Variants in MUSK observed in about 807,000 individuals in gnomAD.
MUSK encodes muscle, skeletal receptor tyrosine-protein kinase.
MUSK carries 55 observed loss-of-function variants against 88.7 expected under a neutral mutation model. That is an observed-to-expected ratio of 0.62 (90% CI 0.50 to 0.78). The LOEUF (loss-of-function observed/expected upper bound fraction) is 0.78, where lower values mean the gene tolerates loss of function less well. Ranked by LOEUF, MUSK falls within the 30% of genes least tolerant of loss-of-function variation. The probability of loss-of-function intolerance (pLI) is 0.00; values close to 1 mark genes in which losing one functional copy is unlikely to be tolerated. For synonymous variants in MUSK, 387 were observed against 391.9 expected (o/e 0.99, Z 0.15); for missense variants, 1,015 against 1,074.3 (o/e 0.94, Z 0.77).
At chr9:110,770,809 G>A (rs1034359768) in intron 9 of MUSK, among the ~76,000 whole-genome samples, 4 of 151,496 alleles carry the variant, frequency 2.6e-5, no homozygotes, top group Non-Finnish European at 5.9e-5. Flanking sequence ...TGTTGCAAGA[G>A]TATTAATTAT....
At chr9:110,716,169 G>T (rs1304161645) in intron 5 of MUSK, among the ~76,000 whole-genome samples, 2 of 149,854 alleles carry the variant, frequency 1.3e-5, no homozygotes, top group African/African-American at 5.1e-5. Context: ...GAAAATATTA[G>T]CTTGGTGCAA....
intron 1 of MUSK, among the ~76,000 whole-genome samples, chr9:110,676,492 A>G (rs1332735387): frequency 1.3e-5 from 2 of 151,954 alleles, no homozygotes; most frequent in Non-Finnish European, 2.9e-5. Context: ...CCTGTCACCC[A>G]TCACCTAAAT....
chr9:110,674,874 G>T (rs1297102280), intron 1 of MUSK, among the ~76,000 whole-genome samples: 1 of 151,988 alleles, frequency 6.6e-6, no homozygotes, highest in African/African-American at 2.4e-5. Flanking sequence ...GGCCTCAAAA[G>T]TGCTGGGATT....
chr9:110,743,244 G>T (rs1015435231), intron 6 of MUSK, among the ~76,000 whole-genome samples: 3 of 152,174 alleles, frequency 2.0e-5, no homozygotes, highest in African/African-American at 7.2e-5. Flanking sequence ...CAAAGAGCAG[G>T]AGAAAGTCCA....
intron 14 of MUSK, among the ~76,000 whole-genome samples, chr9:110,789,062 A>T (rs956160801): frequency 2.0e-5 from 3 of 152,244 alleles, no homozygotes; most frequent in African/African-American, 4.8e-5. Context: ...CTTATTAAAA[A>T]CATTGGCTTT....
At chr9:110,765,321 A>G (rs1354762216) in intron 8 of MUSK, among the ~76,000 whole-genome samples, 1 of 152,134 alleles carries the variant, frequency 6.6e-6, no homozygotes, top group Non-Finnish European at 1.5e-5. Flanking sequence ...CTTTATGCCG[A>G]GATATTACGT....
At chr9:110,690,018 ATATATAT>A (rs1196889816) in intron 3 of MUSK, among the ~76,000 whole-genome samples, 1 of 91,170 alleles carries the variant, frequency 1.1e-5, no homozygotes, top group Non-Finnish European at 1.8e-5. Flanking sequence ...TAAATATATA[ATATATAT>A]TATATATTAA....
At chr9:110,688,955 T>C (rs4326443) in intron 3 of MUSK, among the ~76,000 whole-genome samples, 37,148 of 144,734 alleles carry the variant, frequency 0.26, 6,482 homozygotes, top group African/African-American at 0.48. Flanking sequence ...TATATTTAAA[T>C]ATAAATACAT....
intron 5 of MUSK, 71 bp downstream of exon 5, chr9:110,697,537 G>T: frequency 6.7e-7 from 1 of 1,495,454 alleles, no homozygotes; most frequent in South Asian, 1.4e-5. Context: ...GGCTGCACCT[G>T]GGCTTGGGAG....
chr9:110,681,140 GATCGTTATAATATATATT>G (rs2076129340), intron 1 of MUSK, among the ~76,000 whole-genome samples: 1 of 34,138 alleles, frequency 2.9e-5, no homozygotes, highest in Admixed American at 4.0e-4. Context: ...ATATTATAAG[GATCGTTATAATATATATT>G]ATAAAAATTA....
At chr9:110,775,110 T>C (rs2077646600) in intron 9 of MUSK, among the ~76,000 whole-genome samples, 1 of 152,208 alleles carries the variant, frequency 6.6e-6, no homozygotes, top group African/African-American at 2.4e-5. Flanking sequence ...CCAATTAGTG[T>C]TTCTTCAGCC....
intron 7 of MUSK, 72 bp from the exon 8 acceptor site, chr9:110,762,130 G>T: frequency 1.6e-6 from 2 of 1,242,228 alleles, no homozygotes; most frequent in South Asian, 5.0e-5. Flanking sequence ...AGCATAAGAT[G>T]AAAATGTACT....
At chr9:110,797,783 A>G (rs1245065900) in intron 14 of MUSK, among the ~76,000 whole-genome samples, 1 of 152,200 alleles carries the variant, frequency 6.6e-6, no homozygotes, top group Non-Finnish European at 1.5e-5. Context: ...CTCAAATAGT[A>G]TACATTTAGT....
intron 1 of MUSK, among the ~76,000 whole-genome samples, chr9:110,676,381 GTGTA>G (rs1470112945): frequency 1.7e-5 from 1 of 57,314 alleles, no homozygotes; most frequent in Non-Finnish European, 3.9e-5. Flanking sequence ...GTGTGTGTAT[GTGTA>G]TGTAATTTTA....
chr9:110,783,718 T>C (rs1283388693), intron 11 of MUSK, among the ~76,000 whole-genome samples: 4 of 151,964 alleles, frequency 2.6e-5, no homozygotes, highest in African/African-American at 4.8e-5. Context: ...TTACCTATTA[T>C]CTTTTGTTTT....
Position 110,767,912 on chromosome 9 carries a change from A to G in MUSK, c.1013A>G (p.Asn338Ser), listed in dbSNP as rs769749384. ...GCAAAAGATGCTCTTGTTTTTCTCAACACCTCCTATGCGGACCCTGAGGAG... is the reference window on the plus strand; with the variant it reads ...GCAAAAGATGCTCTTGTTTTTCTCAGCACCTCCTATGCGGACCCTGAGGAG... ...VLAKDALVFLNTSYADPEEAQ... is the reference protein window; with the variant it reads ...VLAKDALVFLSTSYADPEEAQ... Residue 338 changes from asparagine (N) to serine (S), a missense_variant, in exon 9 of 15, where the codon AAC becomes AGC. By Grantham distance (46) the Asn-to-Ser change is conservative. Transcript: ENST00000374448. The G allele has an allele frequency of 1.9e-6, 3 of 1,613,822 alleles. No homozygotes were observed. Among genetic ancestry groups the G allele is most frequent in the African/African-American group, 2.7e-5 (2 of 74,906 alleles).
At position 110,756,910 on chromosome 9, in the gene MUSK, A is replaced by C. The variant is rs542193449; in HGVS notation, c.914-5292A>C. Among the ~76,000 whole-genome samples the C allele has an allele frequency of 2.6e-5, 4 of 152,142 alleles. No homozygotes were observed. The East Asian group carries it at 7.7e-4, about 29-fold the overall frequency. ...TGTGTGTCTGTGTGTGTGTGTTTAC[A>C]TGTTTCCTATAATCATTTGTCTTGC... is the stretch of plus-strand genomic sequence containing the variant. On this transcript the variant is annotated intron_variant, in intron 7 of 14. Coordinates refer to ENST00000374448, the MANE Select transcript of MUSK (RefSeq NM_005592.4).
chr9:110,783,731 G>A (rs928500113), intron 11 of MUSK, among the ~76,000 whole-genome samples: 1 of 151,668 alleles, frequency 6.6e-6, no homozygotes, highest in Non-Finnish European at 1.5e-5. Flanking sequence ...TTTGTTTTCT[G>A]TAGTTATTGT....
chr9:110,738,962 A>T (rs563878236), intron 6 of MUSK, among the ~76,000 whole-genome samples: 1 of 152,124 alleles, frequency 6.6e-6, no homozygotes, highest in Non-Finnish European at 1.5e-5. Flanking sequence ...AGTCCCCCAA[A>T]AAGTCATCTT....
Sources: allele counts gnomAD v4.1 joint callset (sites outside exome capture counted in the v4.1 genomes callset), GRCh38; gene constraint gnomAD v4.1.1; transcripts MANE v1.5; gene names NCBI Gene and HGNC (gene_info 2026-07-23, HGNC 2026-07-21).